SOX5: variants seen among roughly 807,000 people sequenced by gnomAD.
SOX5 encodes the protein transcription factor SOX-5.
Under a neutral mutation model 92.0 loss-of-function variants are expected in SOX5, and 9 were observed. That is an observed-to-expected ratio of 0.10 (90% confidence interval 0.06 to 0.17). The LOEUF (loss-of-function observed/expected upper bound fraction) is 0.17. Among genes scored for constraint, SOX5 ranks in the 10% least tolerant of loss-of-function variants. SOX5 has a pLI of 1.00. For synonymous variants in SOX5, 344 were observed against 336.3 expected, an observed-to-expected ratio of 1.02 and a Z score of -0.25; for missense variants, 642 against 944.5, an observed-to-expected ratio of 0.68 and a Z score of 4.20.
chr12:24,033,086 A>G (rs77950532), intron 4 of SOX5, among the ~76,000 whole-genome samples: 1 of 152,084 alleles, frequency 6.6e-6, no homozygotes, highest in Non-Finnish European at 1.5e-5. Context: ...TCATGACCCC[A>G]AAAGGTTGAA....
chr12:23,992,889 G>A (rs1950694515), intron 4 of SOX5, among the ~76,000 whole-genome samples: 1 of 152,154 alleles, frequency 6.6e-6, no homozygotes, highest in South Asian at 2.1e-4. Context: ...AAGACTCTAT[G>A]CTGGCATTGC....
chr12:23,658,290 T>C (rs1239254859), intron 7 of SOX5, among the ~76,000 whole-genome samples: 2 of 152,186 alleles, frequency 1.3e-5, no homozygotes, highest in Non-Finnish European at 2.9e-5. Flanking sequence ...TTTAATGACC[T>C]AGAAACACTT....
chr12:24,145,928 C>A (rs747084014), intron 4 of SOX5, among the ~76,000 whole-genome samples: 32 of 152,110 alleles, frequency 2.1e-4, no homozygotes, highest in Middle Eastern at 3.2e-3. Flanking sequence ...GTCAATTTAT[C>A]AAGAGGACAT....
chr12:24,131,793 G>A (rs1473974591), intron 4 of SOX5, among the ~76,000 whole-genome samples: 1 of 152,102 alleles, frequency 6.6e-6, no homozygotes, highest in African/African-American at 2.4e-5. Context: ...GGAGAAAAGA[G>A]GGGTACACAT....
At chr12:23,885,890 A>G (rs2097059096) in intron 2 of SOX5, among the ~76,000 whole-genome samples, 1 of 152,136 alleles carries the variant, frequency 6.6e-6, no homozygotes, top group Admixed American at 6.6e-5. Flanking sequence ...TGGCAAAAAA[A>G]AAAAAAAGAT....
At chr12:23,753,350 C>T (rs2094243386) in intron 4 of SOX5, among the ~76,000 whole-genome samples, 1 of 151,634 alleles carries the variant, frequency 6.6e-6, no homozygotes, top group Non-Finnish European at 1.5e-5. Context: ...AGGGCACACA[C>T]ACACGCACAC....
intron 1 of SOX5, among the ~76,000 whole-genome samples, chr12:24,425,551 G>C (rs1966631275): frequency 6.6e-6 from 1 of 152,082 alleles, no homozygotes; most frequent in Non-Finnish European, 1.5e-5. Context: ...GAATTTTGGG[G>C]GGTACTGACT....
intron 4 of SOX5, among the ~76,000 whole-genome samples, chr12:23,997,599 G>C (rs750342359): frequency 6.6e-6 from 1 of 152,258 alleles, no homozygotes; most frequent in Non-Finnish European, 1.5e-5. Flanking sequence ...CTGTTTGTCT[G>C]AATGTGATGC....
chr12:24,254,735 A>G (rs746298171), intron 3 of SOX5, among the ~76,000 whole-genome samples: 20 of 151,412 alleles, frequency 1.3e-4, no homozygotes, highest in South Asian at 4.2e-4. Flanking sequence ...ATATATATAT[A>G]TATTTCCTAT....
At chr12:23,949,756 C>CTCTG, upstream of SOX5, 2 of 892,128 alleles carry the variant, frequency 2.2e-6, no homozygotes, top group Non-Finnish European at 3.3e-6. Context: ...CTCTCTCCCT[C>CTCTG]TCTCTCTCTG....
intron 1 of SOX5, among the ~76,000 whole-genome samples, chr12:24,497,086 A>G (rs766091876): frequency 1.6e-4 from 24 of 152,234 alleles, no homozygotes; most frequent in Non-Finnish European, 3.1e-4. Flanking sequence ...TTACAAATGT[A>G]TAAAATGAAA....
intron 4 of SOX5, among the ~76,000 whole-genome samples, chr12:24,204,073 G>A (rs1045143189): frequency 6.6e-6 from 1 of 151,814 alleles, no homozygotes; most frequent in Non-Finnish European, 1.5e-5. Context: ...CCCTTCCCCT[G>A]GGCCCAACTA....
intron 3 of SOX5, among the ~76,000 whole-genome samples, chr12:23,794,647 G>C (rs1436019554): frequency 2.0e-5 from 3 of 152,068 alleles, no homozygotes; most frequent in East Asian, 1.9e-4. Context: ...CATGTTCCTT[G>C]TAAGAAGAAC....
At chr12:24,176,232 G>A (rs1250853211) in intron 4 of SOX5, among the ~76,000 whole-genome samples, 2 of 151,992 alleles carry the variant, frequency 1.3e-5, no homozygotes, top group African/African-American at 4.8e-5. Context: ...GGGAGGCTGA[G>A]GTGGGACAAT....
chr12:23,790,973 C>A (rs1367425004), intron 3 of SOX5, among the ~76,000 whole-genome samples: 1 of 152,132 alleles, frequency 6.6e-6, no homozygotes, highest in Non-Finnish European at 1.5e-5. Context: ...CTTGGGAAAA[C>A]CCTAATTCTT....
At chr12:23,626,839 TCCATTTATG>T (rs1342615130) in intron 8 of SOX5, among the ~76,000 whole-genome samples, 1 of 152,130 alleles carries the variant, frequency 6.6e-6, no homozygotes, top group East Asian at 1.9e-4. Context: ...GAACCCTTAA[TCCATTTATG>T]CCAGAGGTTG....
At position 23,530,973 on chromosome 12, in the gene SOX5, T is replaced by C. The variant is rs1333583532; in HGVS notation, c.*3246A>G. 2 of 152,152 alleles carry C rather than the reference T, an allele frequency of 1.3e-5. No homozygotes were observed. Among genetic ancestry groups the C allele is most frequent in the Non-Finnish European group, 2.9e-5 (2 of 68,018 alleles). The allele number at this position is 152,152 out of a possible 1,614,324, so 9.4% of individuals were successfully genotyped here. ...TTTTCTTTATCTTTTTTGGTCATTA[T>C]GGGGCACAGAAAAAGAATACAGGGT... is the stretch of plus-strand genomic sequence containing the variant. On this transcript the variant is annotated 3_prime_UTR_variant, in exon 15 of 15. Transcript: ENST00000451604.
intron 6 of SOX5, among the ~76,000 whole-genome samples, chr12:23,690,056 T>C (rs992919128): frequency 4.6e-5 from 7 of 152,162 alleles, no homozygotes; most frequent in African/African-American, 1.7e-4. Context: ...TCAAGTTGGG[T>C]CAGTCACTTC....
At chr12:23,973,952 C>A (rs1229460840) in intron 4 of SOX5, among the ~76,000 whole-genome samples, 4 of 152,138 alleles carry the variant, frequency 2.6e-5, no homozygotes, top group Admixed American at 6.5e-5. Context: ...CTGCCTGTGC[C>A]TGAATAAAAA....
Sources: gnomAD v4.1 joint callset for allele counts (sites outside exome capture counted in the v4.1 genomes callset) on GRCh38, gnomAD v4.1.1 for gene constraint, MANE v1.5 for transcripts, NCBI Gene and HGNC (gene_info 2026-07-23, HGNC 2026-07-21) for gene names.